LINGO2: variants seen among roughly 807,000 people sequenced by gnomAD.
LINGO2 encodes leucine rich repeat and Ig domain containing 2, also known as leucine-rich repeat and immunoglobulin-like domain-containing nogo receptor-interacting protein 2.
Under a neutral mutation model 30.6 loss-of-function variants are expected in LINGO2, and 14 were observed. The ratio of observed to expected loss-of-function variants is 0.46; its 90% CI spans 0.30 to 0.72. The LOEUF (loss-of-function observed/expected upper bound fraction) is 0.72, where lower values mean the gene tolerates loss of function less well. Among genes scored for constraint, LINGO2 ranks in the 30% least tolerant of loss-of-function variants. The pLI, the probability that LINGO2 is intolerant of heterozygous loss-of-function variation, is 0.07. For synonymous variants in LINGO2, 317 were observed against 288.5 expected, an observed-to-expected ratio of 1.10 and a Z score of -1.00; for missense variants, 729 against 751.7, an observed-to-expected ratio of 0.97 and a Z score of 0.35.
the LINGO2 span, among the ~76,000 whole-genome samples, chr9:29,008,390 C>T: frequency 3.3e-5 from 5 of 152,044 alleles, no homozygotes; most frequent in African/African-American, 7.2e-5. Context: ...AAAACATACA[C>T]GTGGATGTGT....
intron 4 of LINGO2, among the ~76,000 whole-genome samples, chr9:28,019,088 C>A (rs905547847): frequency 2.0e-5 from 3 of 151,834 alleles, no homozygotes; most frequent in African/African-American, 7.3e-5. Context: ...TACACATGGG[C>A]ACTAAGAAGG....
chr9:28,396,703 CAAAAAAA>C (rs60660309), intron 2 of LINGO2, among the ~76,000 whole-genome samples: 3 of 53,138 alleles, frequency 5.6e-5, no homozygotes, highest in African/African-American at 2.2e-4. Flanking sequence ...GACTCCATCT[CAAAAAAA>C]AAAAAAAAAA....
chr9:28,638,631 T>C (rs1371612698), intron 1 of LINGO2, among the ~76,000 whole-genome samples: 2 of 152,170 alleles, frequency 1.3e-5, no homozygotes, highest in Non-Finnish European at 2.9e-5. Context: ...TATTCTCTGA[T>C]GGTAGTTTGT....
the LINGO2 span, among the ~76,000 whole-genome samples, chr9:28,793,483 T>A: frequency 6.6e-6 from 1 of 152,206 alleles, no homozygotes; most frequent in Non-Finnish European, 1.5e-5. Context: ...AGACTTTCCC[T>A]GATCAGTGCA....
At chr9:28,668,142 A>G (rs989190459) in intron 1 of LINGO2, among the ~76,000 whole-genome samples, 3 of 152,202 alleles carry the variant, frequency 2.0e-5, no homozygotes, top group African/African-American at 7.2e-5. Context: ...TGAGAAAATA[A>G]AGACCTTTAT....
chr9:28,898,681 A>G, the LINGO2 span, among the ~76,000 whole-genome samples: 3 of 152,226 alleles, frequency 2.0e-5, no homozygotes, highest in South Asian at 2.1e-4. Flanking sequence ...TACAGTTGTT[A>G]TTTTTTGACT....
At chr9:28,048,457 A>G (rs1824522061) in intron 4 of LINGO2, among the ~76,000 whole-genome samples, 1 of 150,964 alleles carries the variant, frequency 6.6e-6, no homozygotes, top group South Asian at 2.1e-4. Flanking sequence ...TGGAACCTGA[A>G]GATACCTTTA....
Position 28,613,958 on chromosome 9 carries a change from A to G in LINGO2, c.-365+56242T>C, listed in dbSNP as rs374816485. Among the ~76,000 whole-genome samples, 175 of 152,230 alleles carry G rather than the reference A, an allele frequency of 1.1e-3. 3 individuals carry two copies. In the South Asian group the frequency reaches 0.033, roughly 29 times the overall value. ...TATCGTTTTTCATATCAAAAATATT[A>G]TTTTAACTATTTAAACATTTTAAAA... On this transcript the variant is annotated intron_variant, in intron 1 of 5. Coordinates refer to ENST00000379992, the Ensembl canonical transcript of LINGO2.
chr9:28,985,889 A>G, the LINGO2 span, among the ~76,000 whole-genome samples: 2 of 151,748 alleles, frequency 1.3e-5, no homozygotes, highest in Non-Finnish European at 2.9e-5. Flanking sequence ...GTCTATTTTC[A>G]CTTTTGCTGT....
intron 3 of LINGO2, among the ~76,000 whole-genome samples, chr9:28,369,283 G>T (rs1820807611): frequency 6.6e-6 from 1 of 152,022 alleles, no homozygotes; most frequent in Non-Finnish European, 1.5e-5. Flanking sequence ...GCCATTTTTT[G>T]TCTGGTATTG....
chr9:28,342,518 T>G (rs1004768454), intron 3 of LINGO2, among the ~76,000 whole-genome samples: 6 of 152,124 alleles, frequency 3.9e-5, no homozygotes, highest in Non-Finnish European at 8.8e-5. Flanking sequence ...GGTATCCTCG[T>G]GGCTGCTTTT....
At chr9:28,312,172 A>G (rs888370005) in intron 3 of LINGO2, among the ~76,000 whole-genome samples, 1 of 49,734 alleles carries the variant, frequency 2.0e-5, no homozygotes, top group African/African-American at 4.6e-5. Flanking sequence ...TTGTATCCAG[A>G]TACCAATAAT....
At chr9:29,000,881 T>G in the LINGO2 span, among the ~76,000 whole-genome samples, 1 of 151,986 alleles carries the variant, frequency 6.6e-6, no homozygotes, top group African/African-American at 2.4e-5. Flanking sequence ...CTTGGGCATG[T>G]GTGGACCAGT....
At chr9:29,057,745 G>A in the LINGO2 span, among the ~76,000 whole-genome samples, 35,192 of 151,910 alleles carry the variant, frequency 0.23, 4,232 homozygotes, top group South Asian at 0.25. Flanking sequence ...CCATGGCTTC[G>A]GATCGAAAGC....
chr9:28,710,099 C>A, the LINGO2 span, among the ~76,000 whole-genome samples: 1 of 150,766 alleles, frequency 6.6e-6, no homozygotes, highest in African/African-American at 2.4e-5. Flanking sequence ...ACCTCAATAC[C>A]AACATTATGA....
the LINGO2 span, among the ~76,000 whole-genome samples, chr9:28,919,909 A>G: frequency 6.6e-6 from 1 of 152,194 alleles, no homozygotes; most frequent in Non-Finnish European, 1.5e-5. Context: ...TGTAATTTGT[A>G]TTATGCTTTC....
chr9:28,447,423 A>T (rs141965919), intron 2 of LINGO2, among the ~76,000 whole-genome samples: 1 of 152,290 alleles, frequency 6.6e-6, no homozygotes, highest in East Asian at 1.9e-4. Context: ...ATCACCAGAC[A>T]TGGAATTTAC....
chr9:27,976,410 C>T (rs541742346), intron 5 of LINGO2, among the ~76,000 whole-genome samples: 58 of 152,088 alleles, frequency 3.8e-4, no homozygotes, highest in Admixed American at 1.2e-3. Flanking sequence ...GAGAAAGTGT[C>T]CCTCCATATT....
intron 4 of LINGO2, among the ~76,000 whole-genome samples, chr9:28,162,845 T>C (rs376274465): frequency 6.6e-6 from 1 of 152,162 alleles, no homozygotes; most frequent in Non-Finnish European, 1.5e-5. Context: ...AAACATGGTA[T>C]AGCATAGTGA....
Sources: allele counts gnomAD v4.1 joint callset (sites outside exome capture counted in the v4.1 genomes callset), GRCh38; gene constraint gnomAD v4.1.1; transcripts MANE v1.5; gene names NCBI Gene and HGNC (gene_info 2026-07-23, HGNC 2026-07-21).